Variants in PRPF6 observed in about 807,000 individuals in gnomAD.
The protein encoded by PRPF6 is pre-mRNA-processing factor 6.
A neutral mutation model predicts 118.3 loss-of-function variants in PRPF6; 42 were observed. The ratio of observed to expected loss-of-function variants is 0.35; its 90% confidence interval spans 0.28 to 0.46. PRPF6 has a LOEUF of 0.46. PRPF6 is among the 20% of genes least tolerant of loss of function. PRPF6 has a pLI of 1.00. For missense variants in PRPF6, 662 were observed against 1,255.7 expected, an observed-to-expected ratio of 0.53 and a Z score of 7.15; for synonymous variants, 481 against 485.1, an observed-to-expected ratio of 0.99 and a Z score of 0.11.
chr20:63,999,156 A>G lies in PRPF6; in HGVS notation c.866+17A>G, dbSNP rs953651820. The G allele has an allele frequency of 2.5e-6, 4 of 1,608,728 alleles. No homozygotes were observed. The East Asian group carries it at 8.9e-5, about 36-fold the overall frequency. On this transcript the variant is annotated intron_variant, in intron 7 of 20. Transcript: ENST00000266079. The stretch of plus-strand genomic sequence containing the variant: ...AGACATCAAGTGAGTGCTTTGCAGA[A>G]TCGCTGGGCTGGGATGGAGACTCTA...
At chr20:64,001,912 T>A (rs1242858553) in intron 9 of PRPF6, among the ~76,000 whole-genome samples, 1 of 152,114 alleles carries the variant, frequency 6.6e-6, no homozygotes, top group East Asian at 1.9e-4. Flanking sequence ...TAGTAGATGC[T>A]GCTCTTGAAC....
intron 3 of PRPF6, among the ~76,000 whole-genome samples, chr20:63,988,948 C>T (rs1483729094): frequency 6.6e-6 from 1 of 151,920 alleles, no homozygotes; most frequent in Non-Finnish European, 1.5e-5. Context: ...CAAAGCTATC[C>T]TGAGCAAAAG....
At chr20:64,020,708 C>T (rs2059258638) in intron 12 of PRPF6, among the ~76,000 whole-genome samples, 1 of 151,888 alleles carries the variant, frequency 6.6e-6, no homozygotes, top group African/African-American at 2.4e-5. Context: ...TGGGTTTTTT[C>T]CTGTTTGTAT....
At chr20:64,032,132 A>C in intron 20 of PRPF6, 88 bp downstream of exon 20, 1 of 1,595,614 alleles carries the variant, frequency 6.3e-7, no homozygotes, top group African/African-American at 1.3e-5. Context: ...GGAGGTGGCC[A>C]CGGCCAGCGT....
intron 11 of PRPF6, among the ~76,000 whole-genome samples, chr20:64,012,976 T>A (rs2059221311): frequency 6.7e-6 from 1 of 149,200 alleles, no homozygotes; most frequent in East Asian, 1.9e-4. Flanking sequence ...TTTTTTTTTT[T>A]GAGAGGGAGT....
chr20:63,994,448 G>A (rs563924992), intron 4 of PRPF6, among the ~76,000 whole-genome samples: 28 of 152,258 alleles, frequency 1.8e-4, no homozygotes, highest in African/African-American at 3.9e-4. Flanking sequence ...ATGAGCCACC[G>A]TGCCCGGCCT....
At chr20:63,990,225 C>T (rs1569212287) in intron 3 of PRPF6, among the ~76,000 whole-genome samples, 1 of 152,204 alleles carries the variant, frequency 6.6e-6, no homozygotes. Flanking sequence ...ACCAGGCCAT[C>T]AGGGGTCTGC....
chr20:63,986,520 G>A (rs1261121314), intron 3 of PRPF6, among the ~76,000 whole-genome samples: 4 of 141,200 alleles, frequency 2.8e-5, no homozygotes. Context: ...ACGGAGTCTC[G>A]CTCTGTTGCC....
intron 12 of PRPF6, among the ~76,000 whole-genome samples, chr20:64,021,351 G>A (rs1264247800): frequency 1.3e-5 from 2 of 150,722 alleles, no homozygotes; most frequent in Non-Finnish European, 2.9e-5. Context: ...GTCTGTGTGT[G>A]TGTGCGTGTG....
chr20:64,025,334 G>A (rs781026065), intron 14 of PRPF6, among the ~76,000 whole-genome samples: 9 of 152,060 alleles, frequency 5.9e-5, no homozygotes, highest in Non-Finnish European at 7.4e-5. Context: ...CCTTCCACCC[G>A]CTCTCTTGGG....
At chr20:64,002,041 T>C (rs538449066) in intron 9 of PRPF6, among the ~76,000 whole-genome samples, 3,138 of 92,540 alleles carry the variant, frequency 0.034, 74 homozygotes, top group Non-Finnish European at 0.05. Flanking sequence ...TTTTTTGAGA[T>C]GGAGTCTCGC....
At chr20:64,015,800 A>G (rs952421584) in intron 11 of PRPF6, among the ~76,000 whole-genome samples, 4 of 152,192 alleles carry the variant, frequency 2.6e-5, no homozygotes, top group African/African-American at 4.8e-5. Context: ...TACGTGCACA[A>G]TGGTACTTAG....
In PRPF6 at chr20:64,026,190, G is replaced by C; in HGVS notation, c.2028+132G>C. ...GAGACCACAGCACACTCATCTTTGT[G>C]ATGTGACTAAAACATTCATGTGGCC... On this transcript the variant is annotated intron_variant, in intron 15 of 20. Transcript: ENST00000266079. The surrounding 1 kb of genome is among the most constrained non-coding windows in gnomAD (Gnocchi z 4.4). 6.7e-7 allele frequency: 1 copy of C among 1,482,454 alleles called. No individual in the cohort carries two copies. The highest frequency in any genetic ancestry group is 9.1e-7 in the Non-Finnish European group (1 of 1,096,098). 91.8% of individuals were successfully genotyped at this position (1,482,454 alleles called of 1,614,324 possible).
At chr20:64,024,843 G>T in intron 14 of PRPF6, 150 bp downstream of exon 14, 1 of 1,205,730 alleles carries the variant, frequency 8.3e-7, no homozygotes, top group African/African-American at 1.5e-5. Context: ...CAGGAGCAGG[G>T]GCCGTGAAGG....
chr20:64,003,186 C>T (rs2059175386), intron 9 of PRPF6, among the ~76,000 whole-genome samples: 2 of 152,196 alleles, frequency 1.3e-5, no homozygotes, highest in South Asian at 4.1e-4. Context: ...AAGTGATCCT[C>T]CTGCCTTGAT....
intron 9 of PRPF6, among the ~76,000 whole-genome samples, chr20:64,002,337 A>G (rs1168422444): frequency 4.1e-5 from 4 of 97,614 alleles, no homozygotes; most frequent in Non-Finnish European, 8.5e-5. Flanking sequence ...GGTGGCTTCT[A>G]TCCATTTTTT....
chr20:64,033,066 T>G lies in PRPF6; in HGVS notation c.*73T>G, dbSNP rs1431429950. The G allele has an allele frequency of 1.3e-6, 2 of 1,594,946 alleles. No individual in the cohort carries two copies. The highest frequency in any genetic ancestry group is 1.7e-6 in the Non-Finnish European group (2 of 1,168,232). On this transcript the variant is annotated 3_prime_UTR_variant, in exon 21 of 21. Coordinates refer to ENST00000266079, the MANE Select transcript of PRPF6 (RefSeq NM_012469.4). ...TGTGGAAGGGCTCTGAGCTGTGTCCTCCTTCATTAAAAGTTTTTATGTCTC... is the reference window on the plus strand; with the variant it reads ...TGTGGAAGGGCTCTGAGCTGTGTCCGCCTTCATTAAAAGTTTTTATGTCTC...
chr20:64,032,986 C>T lies in PRPF6; in HGVS notation c.2819C>T (p.Thr940Ile), dbSNP rs1555921755. Reference protein sequence around the residue: ...LRLVAGRIKNTF With the variant: ...LRLVAGRIKNIF ...CTGGTGGCCGGCCGCATCAAGAACA[C>T]CTTCTGATTGAGCGGTTGCCATGGC... The change falls in exon 21 of 21, where the codon ACC becomes ATC. Residue 940 changes from threonine (T) to isoleucine (I), a missense_variant. Thr to Ile is a moderately conservative substitution (Grantham distance 89, BLOSUM62 -1). Around this residue, in one of 10 missense-constraint regions of PRPF6, gnomAD observed 244 missense variants for 383.7 expected, o/e 0.64. Coordinates refer to ENST00000266079, the MANE Select transcript of PRPF6 (RefSeq NM_012469.4). 6.2e-7 allele frequency: 1 copy of T among 1,613,276 alleles called. No individual in the cohort carries two copies. Among genetic ancestry groups the T allele is most frequent in the Admixed American group, 1.7e-5 (1 of 60,026 alleles).
At chr20:63,998,249 C>G (rs566347650) in intron 6 of PRPF6, among the ~76,000 whole-genome samples, 2 of 151,822 alleles carry the variant, frequency 1.3e-5, no homozygotes, top group South Asian at 4.2e-4. Context: ...CATGTGCCAC[C>G]ACGCCTGGCT....
Sources: gnomAD v4.1 joint callset for allele counts (sites outside exome capture counted in the v4.1 genomes callset) on GRCh38, gnomAD v4.1.1 for gene constraint, gnomAD v4.1.1 regional missense constraint, Gnocchi (gnomAD v3.1) non-coding constraint, MANE v1.5 for transcripts, NCBI Gene and HGNC (gene_info 2026-07-23, HGNC 2026-07-21) for gene names.